Variants in TGM5 observed in about 807,000 individuals in gnomAD.
TGM5 encodes transglutaminase 5, also known as protein-glutamine gamma-glutamyltransferase 5.
Under a neutral mutation model 77.2 loss-of-function variants are expected in TGM5, and 69 were observed. The observed-to-expected ratio is 0.89, with a 90% CI of 0.74 to 1.09. The LOEUF is 1.09. Ranked by LOEUF, TGM5 falls within the 50% of genes least tolerant of loss-of-function variation. The pLI is 0.00. For missense variants in TGM5, 842 were observed against 896.5 expected, an observed-to-expected ratio of 0.94 and a Z score of 0.78; for synonymous variants, 346 against 351.8, an observed-to-expected ratio of 0.98 and a Z score of 0.18.
intron 3 of TGM5, among the ~76,000 whole-genome samples, chr15:43,257,516 A>G (rs1432370906): frequency 6.6e-6 from 1 of 152,210 alleles, no homozygotes; most frequent in Non-Finnish European, 1.5e-5. Flanking sequence ...TGCCATTGAA[A>G]GTAATGGAGC....
At chr15:43,263,621 G>T (rs1394487455) in intron 1 of TGM5, among the ~76,000 whole-genome samples, 1 of 152,216 alleles carries the variant, frequency 6.6e-6, no homozygotes, top group East Asian at 1.9e-4. Context: ...GCAAAAGAAT[G>T]AAGTTAGATG....
chr15:43,266,778 C>T (rs2042827294), intron 1 of TGM5, 62 bp downstream of exon 1: 2 of 1,606,742 alleles, frequency 1.2e-6, no homozygotes, highest in Non-Finnish European at 1.7e-6. Context: ...CCCTTGACTT[C>T]CTACAGTCTC....
intron 4 of TGM5, among the ~76,000 whole-genome samples, chr15:43,255,308 TG>T (rs1209482518): frequency 6.6e-6 from 1 of 152,124 alleles, no homozygotes; most frequent in Non-Finnish European, 1.5e-5. Flanking sequence ...CCTTCCAGCC[TG>T]GGTGACAGAG....
chr15:43,238,473 AC>A (rs1239148678), intron 9 of TGM5, among the ~76,000 whole-genome samples: 2 of 152,234 alleles, frequency 1.3e-5, no homozygotes, highest in African/African-American at 4.8e-5. Context: ...ATTAAATAAT[AC>A]CCTAAATAAA....
chr15:43,243,169 T>C (rs1372000212), intron 6 of TGM5, among the ~76,000 whole-genome samples: 1 of 152,232 alleles, frequency 6.6e-6, no homozygotes, highest in Non-Finnish European at 1.5e-5. Flanking sequence ...GAATTGTTTA[T>C]GAGTCTGTCT....
At chr15:43,253,442 C>T in intron 5 of TGM5, 64 bp downstream of exon 5, 1 of 1,600,708 alleles carries the variant, frequency 6.2e-7, no homozygotes, top group East Asian at 2.2e-5. Flanking sequence ...CAGGGGGCAA[C>T]TGTGAGTGGG....
At position 43,240,731 on chromosome 15, in the gene TGM5, G is replaced by A. The variant is rs533927946; in HGVS notation, c.1001+121C>T. The A allele has an allele frequency of 5.8e-5, 75 of 1,294,202 alleles. No homozygotes were observed. In the South Asian group the frequency reaches 8.0e-4, roughly 14 times the overall value. The allele number at this position is 1,294,202 out of a possible 1,614,324, so 80.2% of individuals were successfully genotyped here. ...TGGGGGGTGGGTGGGGGAGGGTGAG[G>A]GGGTGTGGAGGAGGTGAAGGGGAGG... On this transcript the variant is annotated intron_variant, in intron 7 of 12. Transcript: ENST00000220420.
At chr15:43,254,491 GAC>G (rs141760421) in intron 4 of TGM5, among the ~76,000 whole-genome samples, 2,388 of 152,252 alleles carry the variant, frequency 0.016, 51 homozygotes, top group African/African-American at 0.054. Flanking sequence ...TTCCCCAGAG[GAC>G]AGTCTGATCA....
intron 1 of TGM5, among the ~76,000 whole-genome samples, chr15:43,264,979 T>C (rs962295331): frequency 6.6e-5 from 10 of 152,226 alleles, no homozygotes; most frequent in African/African-American, 2.4e-4. Flanking sequence ...ATTTGCTAGG[T>C]TGAATAGAAT....
intron 6 of TGM5, chr15:43,247,545 A>G (rs2042677248): frequency 6.6e-6 from 1 of 152,134 alleles, no homozygotes; most frequent in South Asian, 2.1e-4. Context: ...AAGGACCTCA[A>G]AGAGCTATTT....
intron 4 of TGM5, among the ~76,000 whole-genome samples, chr15:43,256,184 G>A (rs1184839640): frequency 6.6e-6 from 1 of 152,206 alleles, no homozygotes; most frequent in Non-Finnish European, 1.5e-5. Context: ...GTCACCAAGG[G>A]TTGTGAGCAT....
chr15:43,249,495 C>T (rs1004210032), intron 6 of TGM5, among the ~76,000 whole-genome samples: 8 of 152,232 alleles, frequency 5.3e-5, no homozygotes, highest in African/African-American at 1.7e-4. Context: ...CTGCTCTGGA[C>T]ATTTCATATG....
chr15:43,245,242 A>G (rs866997937), intron 6 of TGM5, among the ~76,000 whole-genome samples: 1 of 152,188 alleles, frequency 6.6e-6, no homozygotes, highest in South Asian at 2.1e-4. Context: ...CCACACTCCC[A>G]TAGCTTTTAT....
chr15:43,234,953 G>A (rs980677195), intron 10 of TGM5, 24 bp from the exon 11 acceptor site: 2 of 1,612,958 alleles, frequency 1.2e-6, no homozygotes, highest in African/African-American at 1.3e-5. Flanking sequence ...ACAAGGATGG[G>A]GTGAGAGTAG....
At chr15:43,252,442 C>T (rs1367172973) in intron 6 of TGM5, among the ~76,000 whole-genome samples, 1 of 152,086 alleles carries the variant, frequency 6.6e-6, no homozygotes, top group East Asian at 1.9e-4. Context: ...CTCAGCCTCC[C>T]GAGTAGCTGG....
intron 6 of TGM5, chr15:43,241,398 T>A (rs759214379): frequency 6.5e-6 from 2 of 307,080 alleles, no homozygotes; most frequent in Non-Finnish European, 1.3e-5. Flanking sequence ...GTTAGGATTA[T>A]TGCTTCAGAC....
intron 6 of TGM5, among the ~76,000 whole-genome samples, chr15:43,250,899 T>C (rs1043510999): frequency 3.3e-5 from 5 of 152,240 alleles, no homozygotes; most frequent in African/African-American, 1.2e-4. Context: ...TAAAGGGCCA[T>C]GATTCTCACA....
At chr15:43,262,897 A>G (rs1004035841) in intron 1 of TGM5, among the ~76,000 whole-genome samples, 11 of 152,180 alleles carry the variant, frequency 7.2e-5, no homozygotes, top group Non-Finnish European at 1.5e-4. Flanking sequence ...AGGCAAAAAG[A>G]AAAAAAATCA....
chr15:43,261,298 C>T (rs904694159), intron 1 of TGM5, among the ~76,000 whole-genome samples: 1 of 151,814 alleles, frequency 6.6e-6, no homozygotes, highest in African/African-American at 2.4e-5. Context: ...ACCGTGTTAG[C>T]GAGAATGGTC....
Sources: allele counts gnomAD v4.1 joint callset (sites outside exome capture counted in the v4.1 genomes callset), GRCh38; gene constraint gnomAD v4.1.1; transcripts MANE v1.5; gene names NCBI Gene and HGNC (gene_info 2026-07-23, HGNC 2026-07-21).